FAM120A: variants seen among roughly 807,000 people sequenced by gnomAD.
FAM120A encodes constitutive coactivator of PPAR-gamma-like protein 1.
A neutral mutation model predicts 109.7 loss-of-function variants in FAM120A; 15 were observed. The observed-to-expected ratio is 0.14, with a 90% CI of 0.09 to 0.21. FAM120A has a LOEUF of 0.21. Among genes scored for constraint, FAM120A ranks in the 10% least tolerant of loss-of-function variants. The pLI, the probability that FAM120A is intolerant of heterozygous loss-of-function variation, is 1.00. For synonymous variants in FAM120A, 493 were observed against 572.8 expected, an observed-to-expected ratio of 0.86 and a Z score of 1.99; for missense variants, 899 against 1,439.3, an observed-to-expected ratio of 0.62 and a Z score of 6.07.
chr9:93,503,587 A>G (rs1859898164), intron 5 of FAM120A, among the ~76,000 whole-genome samples: 1 of 152,060 alleles, frequency 6.6e-6, no homozygotes, highest in South Asian at 2.1e-4. Context: ...GGAGGGAGGG[A>G]TGATTAGGCA....
intron 12 of FAM120A, 29 bp downstream of exon 12, chr9:93,550,720 T>C: frequency 6.4e-7 from 1 of 1,564,820 alleles, no homozygotes; most frequent in East Asian, 2.2e-5. Context: ...TGCATTGTCT[T>C]GGACAGTCTC....
chr9:93,564,083 T>G, intron 17 of FAM120A, 146 bp from the exon 18 acceptor site: 1 of 768,878 alleles, frequency 1.3e-6, no homozygotes, highest in Non-Finnish European at 2.2e-6. Context: ...CGCCCAAAAG[T>G]CAAAGCAAAG....
intron 10 of FAM120A, among the ~76,000 whole-genome samples, chr9:93,536,658 C>G (rs1861528912): frequency 6.6e-6 from 1 of 152,160 alleles, no homozygotes. Flanking sequence ...TTACAGCTAG[C>G]TTTCCTGTGA....
chr9:93,459,706 G>A (rs1340873078), intron 1 of FAM120A, among the ~76,000 whole-genome samples: 6 of 150,786 alleles, frequency 4.0e-5, no homozygotes, highest in Non-Finnish European at 8.8e-5. Flanking sequence ...ACATTTGGCA[G>A]GGGACATTTG....
At position 93,498,869 on chromosome 9, in the gene FAM120A, A is replaced by G. The variant is rs1262412813; in HGVS notation, c.1013A>G (p.His338Arg). 6.3e-7 allele frequency: 1 copy of G among 1,595,952 alleles called. No individual in the cohort carries two copies. The highest frequency in any genetic ancestry group is 1.7e-5 in the Admixed American group (1 of 59,984). ...YSATSKPMSF[H>R]PPHYLAARPG... is the part of the protein sequence containing the mutation. ...GCGACTAGTAAGCCTATGTCATTTCATCCACCACATTACTTAGGTAAGTAA... is the reference window on the plus strand; with the variant it reads ...GCGACTAGTAAGCCTATGTCATTTCGTCCACCACATTACTTAGGTAAGTAA... Residue 338 changes from histidine (H) to arginine (R), a missense_variant, in exon 5 of 18, where the codon CAT (histidine) becomes CGT (arginine). Physicochemically the swap from His to Arg is conservative, Grantham distance 29. Transcript: ENST00000277165. The surrounding 1 kb of genome is among the most constrained non-coding windows in gnomAD (Gnocchi z 4.4).
chr9:93,501,911 C>G (rs1052831352), intron 5 of FAM120A, among the ~76,000 whole-genome samples: 4 of 152,174 alleles, frequency 2.6e-5, no homozygotes, highest in African/African-American at 9.7e-5. Flanking sequence ...CTACTGGGAT[C>G]CTACCAGTGA....
At chr9:93,453,869 GAC>G (rs957983545) in intron 1 of FAM120A, among the ~76,000 whole-genome samples, 1 of 152,208 alleles carries the variant, frequency 6.6e-6, no homozygotes, top group Non-Finnish European at 1.5e-5. Flanking sequence ...AGATGGAAAA[GAC>G]TACTTAAAAG....
chr9:93,497,156 T>C (rs1859610517), intron 3 of FAM120A, among the ~76,000 whole-genome samples: 1 of 152,242 alleles, frequency 6.6e-6, no homozygotes, highest in Admixed American at 6.5e-5. Context: ...GTGCAGGTCC[T>C]GGCCTTGGAA....
intron 11 of FAM120A, among the ~76,000 whole-genome samples, chr9:93,546,555 G>A (rs1861899389): frequency 6.6e-6 from 1 of 152,226 alleles, no homozygotes; most frequent in Non-Finnish European, 1.5e-5. Flanking sequence ...TGCACGGACA[G>A]GGAAGAGGCC....
At position 93,498,995 on chromosome 9, in the gene FAM120A, G is replaced by GT; in HGVS notation, c.1030+110dup. 1.2e-6 allele frequency: 1 copy of GT among 806,624 alleles called. No homozygotes were observed. Among genetic ancestry groups the GT allele is most frequent in the South Asian group, 1.5e-5 (1 of 67,492 alleles). The allele number at this position is 806,624 out of a possible 1,614,324, so 50.0% of individuals were successfully genotyped here. A position where few individuals can be genotyped will look rare whatever the true frequency, so the allele number is the denominator to read the frequency against. On this transcript the variant is annotated intron_variant, in intron 5 of 17. Coordinates refer to ENST00000277165, the MANE Select transcript of FAM120A (RefSeq NM_014612.5). This position sits in a 1 kb window ranked among gnomAD's most constrained non-coding sequence, Gnocchi z 4.4. ...TTATGTTTTTGAAACATGATTTTCT[G>GT]TAGTTATGCCAGTAAGTATAGCCAA...
intron 5 of FAM120A, among the ~76,000 whole-genome samples, chr9:93,501,239 G>C (rs1330722053): frequency 6.6e-6 from 1 of 152,166 alleles, no homozygotes; most frequent in Non-Finnish European, 1.5e-5. Context: ...CTACTTAGGA[G>C]AAAATTAGGA....
chr9:93,527,410 C>T (rs1021776595), intron 8 of FAM120A, among the ~76,000 whole-genome samples, 168 bp downstream of exon 8: 3 of 152,060 alleles, frequency 2.0e-5, no homozygotes, highest in Admixed American at 6.5e-5. Flanking sequence ...ATGCCCAAGC[C>T]GGCTAGTCTT....
intron 8 of FAM120A, among the ~76,000 whole-genome samples, chr9:93,529,047 G>A (rs1861209734): frequency 6.6e-6 from 1 of 152,198 alleles, no homozygotes; most frequent in African/African-American, 2.4e-5. Flanking sequence ...CTGCCTCCCA[G>A]CACCCTGCCG....
At position 93,500,443 on chromosome 9, in the gene FAM120A, CG is replaced by C. The variant is rs1859750986; in HGVS notation, c.1030+1558del. 6.6e-6 allele frequency among the ~76,000 whole-genome samples: 1 copy of C among 152,102 alleles called. No individual in the cohort carries two copies. The highest frequency in any genetic ancestry group is 2.4e-5 in the African/African-American group (1 of 41,428). On this transcript the variant is annotated intron_variant, in intron 5 of 17. Transcript: ENST00000277165. This position sits in a 1 kb window ranked among gnomAD's most constrained non-coding sequence, Gnocchi z 4.6. ...TTCTGATTTGTGAGATCCAGGCTGT[CG>C]TGTTCTCCAAGGTCTGCCTGGCTTT...
Position 93,539,303 on chromosome 9 carries a change from G to A in FAM120A, c.1910-3919G>A, listed in dbSNP as rs1588895691. Among the ~76,000 whole-genome samples the A allele has an allele frequency of 2.6e-5, 4 of 152,176 alleles. No homozygotes were observed. The South Asian group carries it at 8.3e-4, about 32-fold the overall frequency. On this transcript the variant is annotated intron_variant, in intron 10 of 17. Transcript: ENST00000277165. ...TGAGCCACCGCGCCTGGCCGCCCTA[G>A]AGTTGTTTTTGCCAGTGTAAAAAGT...
At chr9:93,536,652 A>C (rs1272595794) in intron 10 of FAM120A, among the ~76,000 whole-genome samples, 3 of 152,222 alleles carry the variant, frequency 2.0e-5, no homozygotes. Context: ...CATAATTTAC[A>C]GCTAGCTTTC....
intron 3 of FAM120A, 38 bp from the exon 4 acceptor site, chr9:93,497,433 T>C: frequency 6.2e-7 from 1 of 1,607,786 alleles, no homozygotes; most frequent in Non-Finnish European, 8.5e-7. Context: ...TACTGGTTGC[T>C]CACCATCCAC....
chr9:93,549,295 A>C (rs566897869), intron 11 of FAM120A, among the ~76,000 whole-genome samples: 1 of 152,322 alleles, frequency 6.6e-6, no homozygotes, highest in East Asian at 1.9e-4. Flanking sequence ...CATTAATTTG[A>C]CCATGACGTA....
intron 12 of FAM120A, among the ~76,000 whole-genome samples, chr9:93,554,058 A>C (rs1862196346): frequency 6.6e-6 from 1 of 151,418 alleles, no homozygotes; most frequent in Non-Finnish European, 1.5e-5. Context: ...ATTATCTTGA[A>C]ACTATAAATA....
Sources: allele counts gnomAD v4.1 joint callset (sites outside exome capture counted in the v4.1 genomes callset), GRCh38; gene constraint gnomAD v4.1.1; non-coding constraint Gnocchi (gnomAD v3.1); transcripts MANE v1.5; gene names NCBI Gene and HGNC (gene_info 2026-07-23, HGNC 2026-07-21).